The following CYP2A6 variants were observed in gnomAD, a reference collection of about 807,000 sequenced individuals.
CYP2A6 encodes cytochrome P450 family 2 subfamily A member 6.
Under a neutral mutation model 42.3 loss-of-function variants are expected in CYP2A6, and 27 were observed. The ratio of observed to expected loss-of-function variants is 0.64; its 90% CI spans 0.47 to 0.88. The LOEUF (loss-of-function observed/expected upper bound fraction) is 0.88. Among genes scored for constraint, CYP2A6 ranks in the 40% least tolerant of loss-of-function variants. CYP2A6 has a pLI of 0.00. For missense variants in CYP2A6, 628 were observed against 646.0 expected (o/e 0.97, Z 0.30); for synonymous variants, 238 against 246.3 (o/e 0.97, Z 0.31).
intron 4 of CYP2A6, among the ~76,000 whole-genome samples, chr19:40,847,482 G>A (rs1316168808): frequency 6.6e-6 from 1 of 151,490 alleles, no homozygotes; most frequent in Non-Finnish European, 1.5e-5. Context: ...TACTGGGTCT[G>A]GATTGGGGGC....
rs777268861 is a variant in CYP2A6, at chr19:40,849,911, G to A, written c.250C>T (p.His84Tyr). 6 of 1,611,446 alleles carry A rather than the reference G, an allele frequency of 3.7e-6. No homozygotes were observed. The highest frequency in any genetic ancestry group is 2.7e-5 in the African/African-American group (2 of 74,584). ...GPRRVVVLCG[H>Y]DAVREALVDQ... ...ACCAGAGCCTCCCTGACGGCATCAT[G>A]TCCACACAGCACCACGACCCGCCGG... Residue 84 changes from histidine (H) to tyrosine (Y), a missense_variant, in exon 2 of 9, where the codon CAT becomes TAT. Around this residue, in one of 2 missense-constraint regions of CYP2A6, gnomAD observed 606 missense variants for 568.1 expected, o/e 1.07. Transcript: ENST00000301141.
Position 40,850,240 on chromosome 19 carries a change from G to T in CYP2A6, c.180+7C>A, listed in dbSNP as rs751357687. On this transcript the variant is annotated splice_region_variant and intron_variant, in intron 1 of 8. Transcript: ENST00000301141. ...CCCGTGCCACCCATCTCCCTGCCTTGGGACACCTTCATGAGGGAGTTGTAC... is the reference window on the plus strand; with the variant it reads ...CCCGTGCCACCCATCTCCCTGCCTTTGGACACCTTCATGAGGGAGTTGTAC... 6 of 1,605,350 alleles carry T rather than the reference G, an allele frequency of 3.7e-6. No individual in the cohort carries two copies. The highest frequency in any genetic ancestry group is 1.1e-5 in the South Asian group (1 of 90,026).
chr19:40,848,348 G>T lies in CYP2A6; in HGVS notation c.525C>A (p.Ser175Arg). Residue 175 changes from serine to arginine, a missense_variant, in exon 4 of 9, where the codon AGC (serine) becomes AGA (arginine). Around this residue, in one of 2 missense-constraint regions of CYP2A6, gnomAD observed 606 missense variants for 568.1 expected, o/e 1.07. Transcript: ENST00000301141. ...GANIDPTFFLSRTVSNVISSI... is the reference protein window; with the variant it reads ...GANIDPTFFLRRTVSNVISSI... ...AGCTGATGACATTGGAGACTGTGCGGCTCAGGAAGAAGGTGGGATCGATAT... is the reference window on the plus strand; with the variant it reads ...AGCTGATGACATTGGAGACTGTGCGTCTCAGGAAGAAGGTGGGATCGATAT... 1.2e-6 allele frequency: 2 copies of T among 1,611,976 alleles called. No homozygotes were observed. Among genetic ancestry groups the T allele is most frequent in the Non-Finnish European group, 1.7e-6 (2 of 1,179,944 alleles).
intron 2 of CYP2A6, among the ~76,000 whole-genome samples, chr19:40,849,108 A>G (rs1967175024): frequency 6.7e-6 from 1 of 148,346 alleles, no homozygotes; most frequent in African/African-American, 2.5e-5. Context: ...AAAGAATAAG[A>G]CAATCAGAAA....
rs778570540 is a variant in CYP2A6 at position 40,844,654 on chromosome 19, T to C, written c.1280A>G (p.Asp427Gly). The change falls in exon 8 of 9, where the codon GAT (aspartate) becomes GGT (glycine). Residue 427 changes from aspartate (D) to glycine (G), a missense_variant. Transcript: ENST00000301141. ...LNEKGQFKKS[D>G]AFVPFSIGKR... The stretch of plus-strand genomic sequence containing the variant: ...ACCGATGGAAAAGGGCACAAAAGCA[T>C]CACTCTTCTTAAACTGCCCCTTCTC... The C allele has an allele frequency of 2.5e-6, 4 of 1,611,512 alleles. No homozygotes were observed. The South Asian group carries it at 3.3e-5, about 13-fold the overall frequency.
intron 2 of CYP2A6, among the ~76,000 whole-genome samples, chr19:40,848,968 G>GAGAGA: frequency 8.7e-6 from 1 of 115,230 alleles, no homozygotes; most frequent in East Asian, 3.2e-4. Context: ...GAGAGAGAGA[G>GAGAGA]AGAGAGAGAA....
chr19:40,845,423 C>T lies in CYP2A6; in HGVS notation c.1032G>A (p.Glu344=). ...VIGKNRQPKF[E]DRAKMPYMEA... ...CCATGTAGGGCATCTTGGCCCGGTC[C>T]TCAAACTTGGGCTGCCGGTTCTTGC... The change falls in exon 7 of 9, where the codon GAG becomes GAA. Residue 344 remains glutamate, a synonymous_variant. Coordinates refer to ENST00000301141, the MANE Select transcript of CYP2A6 (RefSeq NM_000762.6). 2 of 1,611,808 alleles carry T rather than the reference C, an allele frequency of 1.2e-6. No homozygotes were observed. The highest frequency in any genetic ancestry group is 1.7e-6 in the Non-Finnish European group (2 of 1,179,930).
intron 7 of CYP2A6, 176 bp downstream of exon 7, chr19:40,845,118 A>C (rs1340945363): frequency 1.4e-6 from 1 of 737,250 alleles, no homozygotes; most frequent in Non-Finnish European, 2.2e-6. Context: ...GGAGAGATGC[A>C]GGACTCAGGA....
At position 40,849,996 on chromosome 19, in the gene CYP2A6, G is replaced by A. The variant is rs368758891; in HGVS notation, c.181-16C>T. ...GCTCACTGATCTGATGGAGGTGGGTGGGAGTGGTTAGAGGGAGAAGCCTCC... is the reference window on the plus strand; with the variant it reads ...GCTCACTGATCTGATGGAGGTGGGTAGGAGTGGTTAGAGGGAGAAGCCTCC... On this transcript the variant is annotated splice_polypyrimidine_tract_variant and intron_variant, in intron 1 of 8. Transcript: ENST00000301141. The A allele has an allele frequency of 9.9e-5, 160 of 1,609,880 alleles. No homozygotes were observed. In the African/African-American group the frequency reaches 1.8e-3, roughly 18 times the overall value.
At chr19:40,844,071 G>C in intron 8 of CYP2A6, 94 bp from the exon 9 acceptor site, 1 of 1,487,214 alleles carries the variant, frequency 6.7e-7, no homozygotes, top group South Asian at 1.4e-5. Flanking sequence ...TCCCAGGGAG[G>C]AAGGGTGGAA....
intron 2 of CYP2A6, among the ~76,000 whole-genome samples, chr19:40,849,079 A>AGAGAGAGAGAGG (rs1967173449): frequency 6.8e-6 from 1 of 147,276 alleles, no homozygotes; most frequent in Non-Finnish European, 1.5e-5. Flanking sequence ...AGAGAGAGAG[A>AGAGAGAGAGAGG]GAGAGAGAGA....
At chr19:40,849,028 G>GA (rs1568516120) in intron 2 of CYP2A6, among the ~76,000 whole-genome samples, 12 of 41,406 alleles carry the variant, frequency 2.9e-4, no homozygotes, top group East Asian at 2.5e-3. Flanking sequence ...AGAGGAGAGA[G>GA]AGAGAGAAGA....
Position 40,846,063 on chromosome 19 carries a change from T to C in CYP2A6, c.866A>G (p.Lys289Arg), listed in dbSNP as rs747839095. The C allele has an allele frequency of 1.2e-6, 2 of 1,611,608 alleles. No individual in the cohort carries two copies. The highest frequency in any genetic ancestry group is 2.7e-5 in the African/African-American group (2 of 74,640). Residue 289 changes from lysine to arginine, a missense_variant, in exon 6 of 9, where the codon AAA becomes AGA. By Grantham distance (26) the Lys-to-Arg change is conservative. Coordinates refer to ENST00000301141, the MANE Select transcript of CYP2A6 (RefSeq NM_000762.6). ...EKNPNTEFYL[K>R]NLVMTTLNLF... The stretch of plus-strand genomic sequence containing the variant: ...GTTCAACGTGGTCATCACCAGGTTT[T>C]TCAAGTAGAACTCCGTGTTGGGGTT...
intron 1 of CYP2A6, 92 bp downstream of exon 1, chr19:40,850,155 C>A: frequency 6.5e-7 from 1 of 1,546,210 alleles, no homozygotes; most frequent in East Asian, 2.3e-5. Context: ...TTTCCTAAGA[C>A]TCTGGTCCAC....
intron 5 of CYP2A6, 38 bp downstream of exon 5, chr19:40,846,837 T>C (rs1340912200): frequency 6.2e-7 from 1 of 1,606,042 alleles, no homozygotes; most frequent in Admixed American, 1.7e-5. Context: ...TCCCTCTGCC[T>C]GGCTTTGCAT....
Position 40,843,747 on chromosome 19 carries a change from G to A in CYP2A6, c.*49C>T. ...CTCTCCCAAGCCCGGTCTTGGCCCT[G>A]CCCTTTCCCTGGCCCCGCCCACCAG... On this transcript the variant is annotated 3_prime_UTR_variant, in exon 9 of 9. Coordinates refer to ENST00000301141, the MANE Select transcript of CYP2A6 (RefSeq NM_000762.6). 1.5e-6 allele frequency: 2 copies of A among 1,300,774 alleles called. 1 individual carries two copies. The highest frequency in any genetic ancestry group is 2.0e-6 in the Non-Finnish European group (2 of 980,624). 80.6% of individuals were successfully genotyped at this position (1,300,774 alleles called of 1,614,324 possible). A position where few individuals can be genotyped will look rare whatever the true frequency, so the allele number is the denominator to read the frequency against.
intron 2 of CYP2A6, 96 bp downstream of exon 2, chr19:40,849,722 T>C (rs1480569103): frequency 1.9e-6 from 3 of 1,572,364 alleles, no homozygotes; most frequent in African/African-American, 1.4e-5. Flanking sequence ...GACTCTGCCT[T>C]AGCCTCCAGT....
At chr19:40,847,615 A>C (rs1463110372) in intron 4 of CYP2A6, among the ~76,000 whole-genome samples, 2 of 151,530 alleles carry the variant, frequency 1.3e-5, no homozygotes, top group African/African-American at 4.9e-5. Flanking sequence ...AAGGTGTGTG[A>C]TTGGAAAGGG....
At chr19:40,848,198 G>T in intron 4 of CYP2A6, 21 bp downstream of exon 4, 1 of 1,610,384 alleles carries the variant, frequency 6.2e-7, no homozygotes, top group South Asian at 1.1e-5. Context: ...GGGCGTCACG[G>T]GCCGGGCTGC....
Sources: gnomAD v4.1 joint callset for allele counts (sites outside exome capture counted in the v4.1 genomes callset) on GRCh38, gnomAD v4.1.1 for gene constraint, gnomAD v4.1.1 regional missense constraint, MANE v1.5 for transcripts, NCBI Gene and HGNC (gene_info 2026-07-23, HGNC 2026-07-21) for gene names.